SCFD2: variants seen among roughly 807,000 people sequenced by gnomAD.
SCFD2 encodes sec1 family domain-containing protein 2.
In SCFD2, 54 loss-of-function variants were observed where a neutral mutation model predicts 58.9. The ratio of observed to expected loss-of-function variants is 0.92; its 90% CI spans 0.74 to 1.15. The LOEUF (loss-of-function observed/expected upper bound fraction) is 1.15, where lower values mean the gene tolerates loss of function less well. SCFD2 is among the 50% of genes most tolerant of loss of function. The pLI is 0.00. For missense variants in SCFD2, 805 were observed against 836.6 expected, an observed-to-expected ratio of 0.96 and a Z score of 0.47; for synonymous variants, 321 against 335.9, an observed-to-expected ratio of 0.96 and a Z score of 0.49.
intron 3 of SCFD2, among the ~76,000 whole-genome samples, chr4:53,306,290 C>A (rs1234072064): frequency 6.6e-6 from 1 of 151,932 alleles, no homozygotes; most frequent in Non-Finnish European, 1.5e-5. Context: ...ACAGGAGATA[C>A]AAAGATATCT....
chr4:52,954,449 A>G (rs930499675), intron 5 of SCFD2, among the ~76,000 whole-genome samples: 3 of 152,222 alleles, frequency 2.0e-5, no homozygotes, highest in Non-Finnish European at 1.5e-5. Context: ...GCGGGTGGCT[A>G]CAATCCAGCT....
chr4:53,107,942 C>T (rs760532843), intron 5 of SCFD2, among the ~76,000 whole-genome samples: 2 of 152,160 alleles, frequency 1.3e-5, no homozygotes, highest in Non-Finnish European at 2.9e-5. Context: ...AGCACCACAT[C>T]GCACTTATTC....
At chr4:53,139,268 T>G (rs1185009738) in intron 5 of SCFD2, among the ~76,000 whole-genome samples, 1 of 152,202 alleles carries the variant, frequency 6.6e-6, no homozygotes, top group Admixed American at 6.5e-5. Context: ...GTGCCGAGAT[T>G]GCAACCTCTG....
intron 4 of SCFD2, among the ~76,000 whole-genome samples, chr4:53,207,474 A>AATATATTATATATATATTTCATATAT (rs1347581815): frequency 2.1e-5 from 1 of 46,944 alleles, no homozygotes; most frequent in Non-Finnish European, 3.6e-5. Flanking sequence ...AGTAGTTTGA[A>AATATATTATATATATATTTCATATAT]ATATATTATA....
intron 4 of SCFD2, among the ~76,000 whole-genome samples, chr4:53,201,747 G>C (rs1728247209): frequency 6.6e-6 from 1 of 152,124 alleles, no homozygotes; most frequent in Non-Finnish European, 1.5e-5. Flanking sequence ...TCTCATTGTG[G>C]TTTTGATTTG....
chr4:53,150,018 A>T (rs1726459966), intron 4 of SCFD2, among the ~76,000 whole-genome samples: 1 of 152,250 alleles, frequency 6.6e-6, no homozygotes, highest in Non-Finnish European at 1.5e-5. Flanking sequence ...AATCTGAATG[A>T]AGTCTGGAGT....
chr4:53,306,358 G>A (rs1366855774), intron 3 of SCFD2, among the ~76,000 whole-genome samples: 3 of 152,030 alleles, frequency 2.0e-5, no homozygotes, highest in East Asian at 1.9e-4. Flanking sequence ...CAGAAAGAGG[G>A]AGAGATCAGA....
intron 8 of SCFD2, 46 bp downstream of exon 8, chr4:52,885,701 C>T (rs750430171): frequency 3.1e-6 from 5 of 1,609,730 alleles, no homozygotes; most frequent in Non-Finnish European, 4.2e-6. Flanking sequence ...CCACCCTTCA[C>T]ACCCCTACTT....
chr4:52,933,895 T>C (rs1341841631), intron 5 of SCFD2, among the ~76,000 whole-genome samples: 1 of 152,126 alleles, frequency 6.6e-6, no homozygotes, highest in Non-Finnish European at 1.5e-5. Flanking sequence ...TGGGAATAGG[T>C]TGTCATAAAG....
intron 2 of SCFD2, among the ~76,000 whole-genome samples, chr4:53,314,741 T>A (rs1343468480): frequency 6.6e-6 from 1 of 152,212 alleles, no homozygotes; most frequent in Non-Finnish European, 1.5e-5. Context: ...CTTCCAAATT[T>A]GAATTGGATA....
intron 5 of SCFD2, among the ~76,000 whole-genome samples, chr4:52,987,563 T>G (rs1358850324): frequency 6.6e-6 from 1 of 152,180 alleles, no homozygotes; most frequent in Non-Finnish European, 1.5e-5. Flanking sequence ...ACAGAGTTCA[T>G]GGAAAGGTGA....
intron 3 of SCFD2, among the ~76,000 whole-genome samples, chr4:53,281,745 T>C (rs571212691): frequency 1.7e-4 from 26 of 152,378 alleles, no homozygotes; most frequent in African/African-American, 6.0e-4. Flanking sequence ...GTTGGTTATC[T>C]CTGGAACTTG....
chr4:53,140,022 G>A (rs1229228091), intron 5 of SCFD2, among the ~76,000 whole-genome samples: 1 of 151,868 alleles, frequency 6.6e-6, no homozygotes, highest in Non-Finnish European at 1.5e-5. Context: ...CTCGTTAAGA[G>A]TCATCACCAC....
At chr4:53,249,871 G>A (rs1336597122) in intron 4 of SCFD2, among the ~76,000 whole-genome samples, 1 of 152,158 alleles carries the variant, frequency 6.6e-6, no homozygotes, top group Non-Finnish European at 1.5e-5. Flanking sequence ...GACCATCAAG[G>A]CTAGGAAGAA....
At chr4:52,908,855 T>C (rs755701078) in intron 6 of SCFD2, among the ~76,000 whole-genome samples, 1 of 152,226 alleles carries the variant, frequency 6.6e-6, no homozygotes, top group Non-Finnish European at 1.5e-5. Flanking sequence ...TTTATGCTTA[T>C]TAGTCAAACA....
intron 4 of SCFD2, among the ~76,000 whole-genome samples, chr4:53,257,981 A>C (rs1252691449): frequency 6.6e-6 from 1 of 152,152 alleles, no homozygotes; most frequent in Non-Finnish European, 1.5e-5. Flanking sequence ...GCTGCAAGAG[A>C]AACTTAATAA....
chr4:53,098,079 G>C (rs570596340), intron 5 of SCFD2, among the ~76,000 whole-genome samples: 1 of 152,308 alleles, frequency 6.6e-6, no homozygotes, highest in Non-Finnish European at 1.5e-5. Context: ...CTTGATCATG[G>C]TGGATAAGCT....
At chr4:53,312,040 GGA>G (rs1223977898) in intron 3 of SCFD2, among the ~76,000 whole-genome samples, 1 of 152,034 alleles carries the variant, frequency 6.6e-6, no homozygotes, top group African/African-American at 2.4e-5. Context: ...GGAAAGGAAA[GGA>G]GAGAAGGGGA....
intron 5 of SCFD2, among the ~76,000 whole-genome samples, chr4:53,080,838 T>C (rs1724127382): frequency 6.6e-6 from 1 of 152,290 alleles, no homozygotes; most frequent in African/African-American, 2.4e-5. Flanking sequence ...TAAAATTAAT[T>C]TTACATGGCT....
Sources: gnomAD v4.1 joint callset for allele counts (sites outside exome capture counted in the v4.1 genomes callset) on GRCh38, gnomAD v4.1.1 for gene constraint, MANE v1.5 for transcripts, NCBI Gene and HGNC (gene_info 2026-07-23, HGNC 2026-07-21) for gene names.